The following PPARG variants were observed in gnomAD, a reference collection of about 807,000 sequenced individuals.
The protein encoded by PPARG is peroxisome proliferator activated receptor gamma.
A neutral mutation model predicts 39.2 loss-of-function variants in PPARG; 17 were observed. The ratio of observed to expected loss-of-function variants is 0.43; its 90% CI spans 0.30 to 0.65. PPARG has a LOEUF of 0.65. Ranked by LOEUF, PPARG falls within the 30% of genes least tolerant of loss-of-function variation. The pLI is 0.13. For synonymous variants in PPARG, 223 were observed against 215.7 expected (o/e 1.03, Z -0.30); for missense variants, 406 against 585.9 (o/e 0.69, Z 3.17).
intron 2 of PPARG, among the ~76,000 whole-genome samples, chr3:12,342,798 T>G (rs985020677): frequency 6.6e-6 from 1 of 152,024 alleles, no homozygotes; most frequent in Non-Finnish European, 1.5e-5. Flanking sequence ...AAAGGTGGTT[T>G]TTTTTTTTTA....
chr3:12,408,159 G>T (rs2050738054), intron 6 of PPARG, among the ~76,000 whole-genome samples: 1 of 152,190 alleles, frequency 6.6e-6, no homozygotes, highest in African/African-American at 2.4e-5. Flanking sequence ...AAGCCAGGGA[G>T]ACATAATACA....
chr3:12,342,815 A>G (rs976307460), intron 2 of PPARG, among the ~76,000 whole-genome samples: 4 of 152,108 alleles, frequency 2.6e-5, no homozygotes, highest in Non-Finnish European at 1.5e-5. Context: ...TTTAAACAAA[A>G]AAACCCCTAC....
At chr3:12,307,625 C>T (rs532243368) in intron 1 of PPARG, among the ~76,000 whole-genome samples, 2 of 152,200 alleles carry the variant, frequency 1.3e-5, no homozygotes, top group East Asian at 1.9e-4. Context: ...GGAATAAAGA[C>T]TGTGTGTAGG....
chr3:12,335,910 T>A (rs1265067342), intron 2 of PPARG, among the ~76,000 whole-genome samples: 1 of 152,178 alleles, frequency 6.6e-6, no homozygotes, highest in Non-Finnish European at 1.5e-5. Context: ...GTGACACCAC[T>A]GTCCTTTCTA....
At chr3:12,352,549 C>A (rs2048521340) in intron 2 of PPARG, among the ~76,000 whole-genome samples, 1 of 151,996 alleles carries the variant, frequency 6.6e-6, no homozygotes, top group Non-Finnish European at 1.5e-5. Flanking sequence ...TTTTATTTTT[C>A]TCTTCTCAGA....
chr3:12,311,665 A>T (rs188916217), intron 1 of PPARG, among the ~76,000 whole-genome samples: 1 of 152,208 alleles, frequency 6.6e-6, no homozygotes, highest in Non-Finnish European at 1.5e-5. Context: ...AGCCCTGATG[A>T]TAAGGCTTTT....
chr3:12,425,626 T>C (rs556308673), intron 7 of PPARG, among the ~76,000 whole-genome samples: 2 of 152,276 alleles, frequency 1.3e-5, no homozygotes, highest in African/African-American at 4.8e-5. Context: ...CCCTTCTTCC[T>C]CTACCTCCCA....
intron 2 of PPARG, among the ~76,000 whole-genome samples, chr3:12,358,601 T>C (rs1320238296): frequency 6.6e-6 from 1 of 152,172 alleles, no homozygotes. Context: ...GTTTTGTAAA[T>C]AAAATTATAG....
At chr3:12,417,628 GTGATATCAGGAATTAAGGAATACCTAC>G (rs1459775592) in intron 7 of PPARG, among the ~76,000 whole-genome samples, 1 of 152,100 alleles carries the variant, frequency 6.6e-6, no homozygotes, top group Non-Finnish European at 1.5e-5. Flanking sequence ...AATTGCTTTT[GTGATATCAGGAATTAAGGAATACCTAC>G]TGACCTCCAC....
intron 2 of PPARG, among the ~76,000 whole-genome samples, chr3:12,368,228 C>T (rs1183745191): frequency 7.2e-6 from 1 of 138,462 alleles, no homozygotes; most frequent in South Asian, 2.3e-4. Flanking sequence ...GTTGCCCAGG[C>T]TGGAGTGCAC....
At chr3:12,298,298 C>CAAAAAAAAAAAAAAAA (rs58459399) in intron 1 of PPARG, among the ~76,000 whole-genome samples, 1 of 41,356 alleles carries the variant, frequency 2.4e-5, no homozygotes, top group African/African-American at 1.6e-4. Context: ...GACTCTGTCT[C>CAAAAAAAAAAAAAAAA]AAAAAAAAAA....
intron 2 of PPARG, among the ~76,000 whole-genome samples, chr3:12,316,626 G>C (rs1368179317): frequency 6.6e-6 from 1 of 151,530 alleles, no homozygotes; most frequent in Non-Finnish European, 1.5e-5. Flanking sequence ...AAAAAAAAAA[G>C]TAACAAGTCT....
In PPARG at chr3:12,381,389, T is replaced by A; in HGVS notation, c.288T>A (p.Pro96=). The A allele has an allele frequency of 1.9e-6, 3 of 1,613,470 alleles. No homozygotes were observed. Among genetic ancestry groups the A allele is most frequent in the African/African-American group, 1.3e-5 (1 of 75,018 alleles). Residue 96 remains proline (P), a synonymous_variant, in exon 4 of 8, where the codon CCT becomes CCA. Coordinates refer to ENST00000651735, the MANE Select transcript of PPARG (RefSeq NM_138711.6). ...YSEKTQLYNK[P]HEEPSNSLMA... is the part of the protein sequence containing the mutation. ...AGAAGACTCAGCTCTACAATAAGCCTCATGAAGAGCCTTCCAACTCCCTCA... is the reference window on the plus strand; with the variant it reads ...AGAAGACTCAGCTCTACAATAAGCCACATGAAGAGCCTTCCAACTCCCTCA...
intron 4 of PPARG, among the ~76,000 whole-genome samples, chr3:12,391,389 C>A (rs1398998840): frequency 6.6e-6 from 1 of 152,108 alleles, no homozygotes; most frequent in Non-Finnish European, 1.5e-5. Context: ...GGGGCAGGGA[C>A]AGGCCACAGT....
At chr3:12,384,388 G>A (rs946869333) in intron 4 of PPARG, among the ~76,000 whole-genome samples, 1 of 152,056 alleles carries the variant, frequency 6.6e-6, no homozygotes, top group African/African-American at 2.4e-5. Flanking sequence ...ACAGCAGTTA[G>A]GAAAGAATTA....
At chr3:12,318,755 A>C (rs2047457451) in intron 2 of PPARG, among the ~76,000 whole-genome samples, 1 of 152,118 alleles carries the variant, frequency 6.6e-6, no homozygotes, top group Non-Finnish European at 1.5e-5. Flanking sequence ...CTTATATATC[A>C]CAAATAATAC....
At chr3:12,342,581 A>G (rs187948271) in intron 2 of PPARG, among the ~76,000 whole-genome samples, 21 of 152,356 alleles carry the variant, frequency 1.4e-4, no homozygotes, top group Admixed American at 1.3e-3. Context: ...TAAAAAATAC[A>G]CATGCTGTAT....
In PPARG at chr3:12,386,801, T is replaced by C. The variant is rs149630849; in HGVS notation, c.390+5310T>C. On this transcript the variant is annotated intron_variant, in intron 4 of 7. Transcript: ENST00000651735. The stretch of plus-strand genomic sequence containing the variant: ...TTGTTACATAGTTACACATGTGTCA[T>C]GTTGATTTGCTGAACCCATCAACTT... Among the ~76,000 whole-genome samples, 36 of 152,298 alleles carry C rather than the reference T, an allele frequency of 2.4e-4. No homozygotes were observed. The East Asian group carries it at 7.0e-3, about 29-fold the overall frequency.
chr3:12,429,552 C>CAAAAAAAA (rs753288907), intron 7 of PPARG, among the ~76,000 whole-genome samples: 5 of 99,618 alleles, frequency 5.0e-5, no homozygotes, highest in African/African-American at 2.0e-4. Flanking sequence ...CTGTCTCTAC[C>CAAAAAAAA]AAAAAAAAAA....
Sources: allele counts gnomAD v4.1 joint callset (sites outside exome capture counted in the v4.1 genomes callset), GRCh38; gene constraint gnomAD v4.1.1; transcripts MANE v1.5; gene names NCBI Gene and HGNC (gene_info 2026-07-23, HGNC 2026-07-21).